TSEN2: variants seen among roughly 807,000 people sequenced by gnomAD.
The protein encoded by TSEN2 is tRNA splicing endonuclease subunit 2, also known as tRNA-splicing endonuclease subunit Sen2.
Under a neutral mutation model 59.2 loss-of-function variants are expected in TSEN2, and 54 were observed. The observed-to-expected ratio is 0.91, with a 90% CI of 0.73 to 1.14. TSEN2 has a LOEUF of 1.14. Ranked by LOEUF, TSEN2 falls within the 50% of genes most tolerant of loss-of-function variation. The pLI is 0.00. For synonymous variants in TSEN2, 195 were observed against 198.2 expected (o/e 0.98, Z 0.14); for missense variants, 636 against 576.2 (o/e 1.10, Z -1.06).
intron 6 of TSEN2, among the ~76,000 whole-genome samples, chr3:12,516,260 G>T (rs896147158): frequency 1.3e-5 from 2 of 151,900 alleles, no homozygotes; most frequent in African/African-American, 2.4e-5. Context: ...CGTCTCTACT[G>T]AAAAAAATAC....
intron 3 of TSEN2, among the ~76,000 whole-genome samples, chr3:12,495,413 A>G (rs2053651489): frequency 6.6e-6 from 1 of 152,260 alleles, no homozygotes; most frequent in East Asian, 1.9e-4. Context: ...TGTTTTTTGT[A>G]GAGACAGGGT....
At chr3:12,497,416 C>T (rs2053861221) in intron 4 of TSEN2, among the ~76,000 whole-genome samples, 1 of 152,158 alleles carries the variant, frequency 6.6e-6, no homozygotes, top group African/African-American at 2.4e-5. Context: ...CTTGGCAACC[C>T]CATAGCCAGC....
Position 12,532,773 on chromosome 3 carries a change from G to T in TSEN2, c.*52G>T. ...ACCAACAACTATTTATTGAGGGCTA[G>T]GTAAAAAGTTCTTTTTGTTGTAATC... On this transcript the variant is annotated 3_prime_UTR_variant, in exon 12 of 12. Coordinates refer to ENST00000284995, the MANE Select transcript of TSEN2 (RefSeq NM_025265.4). 6.4e-7 allele frequency: 1 copy of T among 1,571,068 alleles called. No homozygotes were observed.
At chr3:12,511,993 A>G (rs1401025102) in intron 6 of TSEN2, among the ~76,000 whole-genome samples, 1 of 152,268 alleles carries the variant, frequency 6.6e-6, no homozygotes, top group Non-Finnish European at 1.5e-5. Flanking sequence ...TGAAATGGGA[A>G]GAAAATATTT....
intron 8 of TSEN2, among the ~76,000 whole-genome samples, chr3:12,526,844 T>C (rs1353552501): frequency 6.6e-6 from 1 of 152,222 alleles, no homozygotes; most frequent in Non-Finnish European, 1.5e-5. Flanking sequence ...ATTACTTGCC[T>C]TGTGGGTGTG....
At chr3:12,523,666 A>G (rs922430420) in intron 8 of TSEN2, among the ~76,000 whole-genome samples, 13 of 150,638 alleles carry the variant, frequency 8.6e-5, no homozygotes, top group African/African-American at 2.9e-4. Flanking sequence ...CAGCTTCCCA[A>G]GTAGCTGGGA....
intron 8 of TSEN2, 139 bp from the exon 9 acceptor site, chr3:12,528,749 G>A: frequency 2.4e-6 from 2 of 837,792 alleles, no homozygotes; most frequent in Non-Finnish European, 1.9e-6. Context: ...TATTGCAGAT[G>A]ATCTGTCTAC....
chr3:12,514,931 C>T (rs1464640842), intron 6 of TSEN2: 4 of 152,120 alleles, frequency 2.6e-5, no homozygotes, highest in Non-Finnish European at 4.4e-5. Flanking sequence ...TTGCAAGTCG[C>T]TTTAAGGTCT....
intron 6 of TSEN2, among the ~76,000 whole-genome samples, chr3:12,509,617 G>A (rs1206409837): frequency 6.6e-6 from 1 of 152,158 alleles, no homozygotes; most frequent in Non-Finnish European, 1.5e-5. Flanking sequence ...TGATTTAATA[G>A]GGGTGGTGCA....
In TSEN2 at chr3:12,489,947, G is replaced by A. The variant is rs2053037752; in HGVS notation, c.147G>A (p.Val49=). 6.2e-7 allele frequency: 1 copy of A among 1,614,040 alleles called. No homozygotes were observed. The highest frequency in any genetic ancestry group is 1.7e-5 in the Admixed American group (1 of 60,008). The change falls in exon 2 of 12, where the codon GTG becomes GTA. Residue 49 remains valine, a synonymous_variant. Coordinates refer to ENST00000284995, the MANE Select transcript of TSEN2 (RefSeq NM_025265.4). ...IFRAEMINNN[V]IVRNAEDIEQ... Reference sequence around the variant, plus strand: ...GTGCTGAAATGATTAACAACAATGTGATTGTGAGGAATGCGGAGGACATTG... The same window carrying A: ...GTGCTGAAATGATTAACAACAATGTAATTGTGAGGAATGCGGAGGACATTG...
chr3:12,529,733 T>A lies in TSEN2; in HGVS notation c.1137-29T>A, dbSNP rs375151655. 4.4e-6 allele frequency: 7 copies of A among 1,599,578 alleles called. No individual in the cohort carries two copies. The African/African-American group carries it at 9.4e-5, about 21-fold the overall frequency. The stretch of plus-strand genomic sequence containing the variant: ...TTAAACAGATTTATTTCATGATTAC[T>A]TTTAACATGCTTTTTCTGTATTTTC... On this transcript the variant is annotated intron_variant, in intron 9 of 11. Transcript: ENST00000284995.
chr3:12,503,844 A>G (rs2054549117), intron 5 of TSEN2, 60 bp downstream of exon 5: 1 of 1,570,180 alleles, frequency 6.4e-7, no homozygotes. Flanking sequence ...GATGTTGGCT[A>G]ATAGGGATGT....
At position 12,519,119 on chromosome 3, in the gene TSEN2, A is replaced by G. The variant is rs1391508872; in HGVS notation, c.1021A>G (p.Thr341Ala). Reference protein sequence around the residue: ...AFTVVQPTFRTTYMAYHYFRS... With the variant: ...AFTVVQPTFRATYMAYHYFRS... The stretch of plus-strand genomic sequence containing the variant: ...CACTGTAGTTCAGCCCACGTTCAGA[A>G]CCACCTACATGGCCTACCATTACTT... The change falls in exon 8 of 12, where the codon ACC (threonine) becomes GCC (alanine). Residue 341 changes from threonine to alanine, a missense_variant. Physicochemically the swap from Thr to Ala is moderately conservative, Grantham distance 58. Coordinates refer to ENST00000284995, the MANE Select transcript of TSEN2 (RefSeq NM_025265.4). 21 of 1,614,232 alleles carry G rather than the reference A, an allele frequency of 1.3e-5. No individual in the cohort carries two copies. Among genetic ancestry groups the G allele is most frequent in the Non-Finnish European group, 1.7e-5 (20 of 1,180,048 alleles).
intron 1 of TSEN2, among the ~76,000 whole-genome samples, chr3:12,485,950 A>AT (rs2052570693): frequency 6.7e-6 from 1 of 150,242 alleles, no homozygotes; most frequent in African/African-American, 2.5e-5. Flanking sequence ...GAAATTTAAA[A>AT]ATATATATAT....
In TSEN2 at chr3:12,531,586, A is replaced by T; in HGVS notation, c.1265A>T (p.Tyr422Phe). 1 of 1,610,620 alleles carries T rather than the reference A, an allele frequency of 6.2e-7. No individual in the cohort carries two copies. Among genetic ancestry groups the T allele is most frequent in the Non-Finnish European group, 8.5e-7 (1 of 1,176,806 alleles). ...VNVSKELMLCYLIKPSTMTDK... is the reference protein window; with the variant it reads ...VNVSKELMLCFLIKPSTMTDK... Reference sequence around the variant, plus strand: ...TCTCAATAGGAACTTATGCTGTGCTATTTGATTAAACCCTCTACTATGACT... The same window carrying T: ...TCTCAATAGGAACTTATGCTGTGCTTTTTGATTAAACCCTCTACTATGACT... The change falls in exon 11 of 12, where the codon TAT becomes TTT. Residue 422 changes from tyrosine to phenylalanine, a missense_variant. Tyr to Phe is a conservative substitution (Grantham distance 22). Transcript: ENST00000284995.
At chr3:12,539,249 T>A (rs770286885) in exon 11 of TSEN2, 3 of 390,506 alleles carry the variant, frequency 7.7e-6, no homozygotes, top group Non-Finnish European at 1.5e-5. Flanking sequence ...TTCTCATGCC[T>A]CAGCCTCCTG....
chr3:12,498,544 C>A (rs2053982390), intron 4 of TSEN2, among the ~76,000 whole-genome samples: 1 of 152,106 alleles, frequency 6.6e-6, no homozygotes, highest in South Asian at 2.1e-4. Flanking sequence ...AATCCTGCAT[C>A]TTTTTTGCAA....
At chr3:12,525,042 C>T (rs560057916) in intron 8 of TSEN2, among the ~76,000 whole-genome samples, 1 of 152,186 alleles carries the variant, frequency 6.6e-6, no homozygotes, top group African/African-American at 2.4e-5. Context: ...CCGTGCCTGG[C>T]CTCTTTTAAT....
chr3:12,487,327 G>A (rs535979438), intron 1 of TSEN2, among the ~76,000 whole-genome samples: 56 of 152,286 alleles, frequency 3.7e-4, no homozygotes, highest in African/African-American at 1.3e-3. Flanking sequence ...CACACACCTG[G>A]GTTGGAGTAC....
Sources: gnomAD v4.1 joint callset for allele counts (sites outside exome capture counted in the v4.1 genomes callset) on GRCh38, gnomAD v4.1.1 for gene constraint, MANE v1.5 for transcripts, NCBI Gene and HGNC (gene_info 2026-07-23, HGNC 2026-07-21) for gene names.